NRXN3: variants seen among roughly 807,000 people sequenced by gnomAD.
NRXN3 encodes the protein neurexin 3, also known as neurexin III.
Under a neutral mutation model 137.6 loss-of-function variants are expected in NRXN3, and 32 were observed. That is an observed-to-expected ratio of 0.23 (90% CI 0.18 to 0.31). The LOEUF (loss-of-function observed/expected upper bound fraction) is 0.31, where lower values mean the gene tolerates loss of function less well. NRXN3 is among the 10% of genes least tolerant of loss of function. NRXN3 has a pLI of 1.00. For missense variants in NRXN3, 1,574 were observed against 2,062.5 expected, an observed-to-expected ratio of 0.76 and a Z score of 4.59; for synonymous variants, 798 against 784.5, an observed-to-expected ratio of 1.02 and a Z score of -0.29.
At chr14:79,771,511 C>T (rs1382574263) in intron 19 of NRXN3, among the ~76,000 whole-genome samples, 3 of 150,938 alleles carry the variant, frequency 2.0e-5, no homozygotes, top group Admixed American at 6.6e-5. Context: ...ATAAACAGAA[C>T]CAAAGACAAA....
chr14:78,692,552 C>T (rs537994782), intron 6 of NRXN3, among the ~76,000 whole-genome samples: 10 of 152,230 alleles, frequency 6.6e-5, no homozygotes, highest in African/African-American at 1.9e-4. Flanking sequence ...TATTTCTAGA[C>T]TGTTTTCTCC....
At chr14:78,623,870 G>A (rs2097429373) in intron 4 of NRXN3, among the ~76,000 whole-genome samples, 1 of 152,154 alleles carries the variant, frequency 6.6e-6, no homozygotes, top group Admixed American at 6.5e-5. Flanking sequence ...TGGCACCCGG[G>A]CTGATGCCAT....
intron 15 of NRXN3, among the ~76,000 whole-genome samples, chr14:79,395,843 A>G (rs1203447119): frequency 6.6e-6 from 1 of 152,112 alleles, no homozygotes; most frequent in African/African-American, 2.4e-5. Flanking sequence ...TGAATATAAA[A>G]CAATGAAATA....
At chr14:78,212,481 C>A (rs759138863) in intron 1 of NRXN3, among the ~76,000 whole-genome samples, 5 of 152,132 alleles carry the variant, frequency 3.3e-5, no homozygotes, top group Non-Finnish European at 7.3e-5. Context: ...AGGGGCCCAG[C>A]TTATTGTGAG....
chr14:79,071,188 G>A (rs2099687181), intron 15 of NRXN3, among the ~76,000 whole-genome samples: 1 of 150,702 alleles, frequency 6.6e-6, no homozygotes, highest in African/African-American at 2.4e-5. Flanking sequence ...CACAGAGCTT[G>A]ATTGTTCTAA....
chr14:79,454,688 T>G (rs934017687), intron 15 of NRXN3, among the ~76,000 whole-genome samples: 8 of 152,200 alleles, frequency 5.3e-5, no homozygotes, highest in Non-Finnish European at 1.0e-4. Flanking sequence ...ATTTTGCCAT[T>G]TAGTATGACA....
At chr14:79,064,823 G>GTA (rs368809846) in intron 15 of NRXN3, among the ~76,000 whole-genome samples, 53,891 of 147,754 alleles carry the variant, frequency 0.36, 10,272 homozygotes, top group Admixed American at 0.47. Flanking sequence ...GTGTGTGTGT[G>GTA]TATATATAAT....
chr14:79,068,690 C>G (rs1355956102), intron 15 of NRXN3, among the ~76,000 whole-genome samples: 2 of 151,864 alleles, frequency 1.3e-5, no homozygotes, highest in African/African-American at 2.4e-5. Context: ...GTTTAAACAA[C>G]TATATGTTCA....
At chr14:79,355,334 A>G (rs531523077) in intron 15 of NRXN3, among the ~76,000 whole-genome samples, 16 of 145,440 alleles carry the variant, frequency 1.1e-4, no homozygotes, top group African/African-American at 4.1e-4. Flanking sequence ...CTTCTTTTCC[A>G]CTGCATGCCA....
intron 6 of NRXN3, among the ~76,000 whole-genome samples, chr14:78,693,165 T>C (rs2098190074): frequency 6.6e-6 from 1 of 152,124 alleles, no homozygotes; most frequent in South Asian, 2.1e-4. Flanking sequence ...GTATCTAGCC[T>C]TCATTATTAG....
At chr14:78,562,261 G>A (rs1013087440) in intron 4 of NRXN3, among the ~76,000 whole-genome samples, 1 of 151,924 alleles carries the variant, frequency 6.6e-6, no homozygotes, top group Non-Finnish European at 1.5e-5. Flanking sequence ...GTCAGGTGTG[G>A]TGGCACACCC....
At chr14:78,936,371 A>G (rs1437087540) in intron 10 of NRXN3, among the ~76,000 whole-genome samples, 1 of 152,238 alleles carries the variant, frequency 6.6e-6, no homozygotes, top group Non-Finnish European at 1.5e-5. Flanking sequence ...CATTTATTGG[A>G]ACTCACCAAG....
chr14:79,339,123 G>C (rs978498201), intron 15 of NRXN3, among the ~76,000 whole-genome samples: 1 of 148,444 alleles, frequency 6.7e-6, no homozygotes, highest in Admixed American at 6.7e-5. Flanking sequence ...ATGAAGTGTT[G>C]CTGCAGTGCA....
chr14:78,646,217 A>G (rs2097686635), intron 5 of NRXN3, among the ~76,000 whole-genome samples: 1 of 152,232 alleles, frequency 6.6e-6, no homozygotes, highest in Non-Finnish European at 1.5e-5. Flanking sequence ...AGCCTTAGCC[A>G]AGTGAAGTTG....
intron 2 of NRXN3, among the ~76,000 whole-genome samples, chr14:78,258,001 A>C (rs2069960005): frequency 6.6e-6 from 1 of 152,152 alleles, no homozygotes; most frequent in African/African-American, 2.4e-5. Flanking sequence ...ATTAGGTATT[A>C]ATTTTAGTTT....
chr14:78,291,417 G>T (rs748782156), intron 3 of NRXN3, among the ~76,000 whole-genome samples: 1 of 152,172 alleles, frequency 6.6e-6, no homozygotes, highest in Non-Finnish European at 1.5e-5. Flanking sequence ...ACTGAATTCC[G>T]TCTCTTTAGT....
At chr14:78,420,353 A>G (rs1272453281) in intron 4 of NRXN3, among the ~76,000 whole-genome samples, 1 of 152,234 alleles carries the variant, frequency 6.6e-6, no homozygotes, top group African/African-American at 2.4e-5. Context: ...CTACAGATTT[A>G]TGCCCTTACA....
intron 15 of NRXN3, among the ~76,000 whole-genome samples, chr14:79,126,285 A>G (rs1239933880): frequency 6.6e-6 from 1 of 151,920 alleles, no homozygotes; most frequent in South Asian, 2.1e-4. Context: ...CTAACTCGTC[A>G]TCTAGCATTA....
At chr14:78,605,762 T>C (rs1202531929) in intron 4 of NRXN3, among the ~76,000 whole-genome samples, 2 of 152,222 alleles carry the variant, frequency 1.3e-5, no homozygotes, top group Non-Finnish European at 2.9e-5. Context: ...ACGTGTTAAA[T>C]GGTGTAGTAG....
Sources: allele counts gnomAD v4.1 joint callset (sites outside exome capture counted in the v4.1 genomes callset), GRCh38; gene constraint gnomAD v4.1.1; transcripts MANE v1.5; gene names NCBI Gene and HGNC (gene_info 2026-07-23, HGNC 2026-07-21).